The following DYRK1A variants were observed in gnomAD, a reference collection of about 807,000 sequenced individuals.
DYRK1A encodes dual specificity tyrosine phosphorylation regulated kinase 1A.
DYRK1A carries 9 observed loss-of-function variants against 79.7 expected under a neutral mutation model. The ratio of observed to expected loss-of-function variants is 0.11; its 90% CI spans 0.07 to 0.20. The LOEUF is 0.20. Ranked by LOEUF, DYRK1A falls within the 10% of genes least tolerant of loss-of-function variation. The probability of loss-of-function intolerance (pLI) is 1.00; values close to 1 mark genes in which losing one functional copy is unlikely to be tolerated. For missense variants in DYRK1A, 622 were observed against 956.0 expected, an observed-to-expected ratio of 0.65 and a Z score of 4.61; for synonymous variants, 349 against 329.7, an observed-to-expected ratio of 1.06 and a Z score of -0.63.
rs757852477 is a variant in DYRK1A, at chr21:37,490,160, T to C, written c.638-15T>C. Reference sequence around the variant, plus strand: ...TGGTATATATAATTTAAAATGAAACTGTTTTCTCTTTCAGTGCATTTGAAA... The same window carrying C: ...TGGTATATATAATTTAAAATGAAACCGTTTTCTCTTTCAGTGCATTTGAAA... On this transcript the variant is annotated splice_polypyrimidine_tract_variant and intron_variant, in intron 6 of 11. Coordinates refer to ENST00000647188, the MANE Select transcript of DYRK1A (RefSeq NM_001347721.2). 4 of 1,605,100 alleles carry C rather than the reference T, an allele frequency of 2.5e-6. No homozygotes were observed. The highest frequency in any genetic ancestry group is 1.7e-4 in the Middle Eastern group (1 of 5,990).
chr21:37,457,263 C>T (rs964995187), intron 2 of DYRK1A, among the ~76,000 whole-genome samples: 2 of 152,104 alleles, frequency 1.3e-5, no homozygotes, highest in Non-Finnish European at 2.9e-5. Flanking sequence ...GACAGAGTCT[C>T]ACTCTGTTGC....
At chr21:37,492,350 A>T (rs2053124745) in intron 7 of DYRK1A, among the ~76,000 whole-genome samples, 1 of 152,196 alleles carries the variant, frequency 6.6e-6, no homozygotes. Context: ...TAATAAGTGA[A>T]ACAAATTGGT....
chr21:37,478,123 A>C, intron 3 of DYRK1A, 85 bp from the exon 4 acceptor site: 1 of 1,576,600 alleles, frequency 6.3e-7, no homozygotes, highest in South Asian at 1.2e-5. Context: ...CATGCAGGTT[A>C]CAGAAGAGGG....
chr21:37,481,765 G>A (rs1217262925), intron 5 of DYRK1A: 1 of 152,078 alleles, frequency 6.6e-6, no homozygotes, highest in East Asian at 1.9e-4. Flanking sequence ...CAGCACTTTG[G>A]GAATCTGAAG....
In DYRK1A at chr21:37,462,278, G is replaced by T. The variant is rs184517076; in HGVS notation, c.11-10406G>T. ...GGCCCGTGAGTGTTTGGATTTTGTT[G>T]TTCTCTTTAAAGAGTGTTGAATGTC... On this transcript the variant is annotated intron_variant, in intron 2 of 11. Coordinates refer to ENST00000647188, the MANE Select transcript of DYRK1A (RefSeq NM_001347721.2). Among the ~76,000 whole-genome samples the T allele has an allele frequency of 5.2e-3, 794 of 152,192 alleles. 12 individuals carry two copies. The highest frequency in any genetic ancestry group is 4.9e-3 in the Non-Finnish European group (331 of 68,018).
intron 1 of DYRK1A, among the ~76,000 whole-genome samples, chr21:37,413,830 C>T (rs1347948473): frequency 2.0e-5 from 3 of 152,074 alleles, no homozygotes. Context: ...GCAAGCATAT[C>T]AGTTAAAGGA....
rs1040981376 is a variant in DYRK1A at position 37,521,665 on chromosome 21, A to G, written c.*9134A>G. On this transcript the variant is annotated 3_prime_UTR_variant, in exon 12 of 12. Transcript: ENST00000647188. ...TCCCAAGGAACTGAAGTTCTAGCTG[A>G]TACCTAATGGAGGAATGGGTGTTAT... The G allele has an allele frequency of 6.6e-6, 1 of 152,260 alleles. No homozygotes were observed. The highest frequency in any genetic ancestry group is 2.4e-5 in the African/African-American group (1 of 41,478). The allele number at this position is 152,260 out of a possible 1,614,324, so 9.4% of individuals were successfully genotyped here. A position where few individuals can be genotyped will look rare whatever the true frequency, so the allele number is the denominator to read the frequency against.
chr21:37,405,448 CT>C (rs2050130310), intron 1 of DYRK1A, among the ~76,000 whole-genome samples: 1 of 152,168 alleles, frequency 6.6e-6, no homozygotes. Flanking sequence ...TTGCAGGCAT[CT>C]ATGCATGACT....
chr21:37,422,547 T>C (rs1407536999), intron 2 of DYRK1A, among the ~76,000 whole-genome samples: 1 of 152,188 alleles, frequency 6.6e-6, no homozygotes, highest in African/African-American at 2.4e-5. Flanking sequence ...TTAGATGTGG[T>C]AACTTACTCT....
Position 37,512,492 on chromosome 21 carries a change from A to G in DYRK1A, c.2226A>G (p.Thr742=). The G allele has an allele frequency of 6.2e-7, 1 of 1,614,216 alleles. No homozygotes were observed. Among genetic ancestry groups the G allele is most frequent in the South Asian group, 1.1e-5 (1 of 91,088 alleles). The change falls in exon 12 of 12, where the codon ACA becomes ACG. Residue 742 remains threonine (T), a synonymous_variant. Transcript: ENST00000647188. ...QGADREESPM[T]GVCVQQSPVA... is the part of the protein sequence containing the mutation. ...CTGATAGAGAAGAGTCCCCCATGAC[A>G]GGAGTTTGTGTGCAACAGAGTCCTG...
chr21:37,402,972 C>T (rs2050080026), intron 1 of DYRK1A, among the ~76,000 whole-genome samples: 1 of 152,096 alleles, frequency 6.6e-6, no homozygotes, highest in African/African-American at 2.4e-5. Flanking sequence ...CCATGTTGGA[C>T]AGGCTGGTCT....
In DYRK1A at chr21:37,519,248, C is replaced by G. The variant is rs1309259668; in HGVS notation, c.*6717C>G. 1 of 152,186 alleles carries G rather than the reference C, an allele frequency of 6.6e-6. No homozygotes were observed. Among genetic ancestry groups the G allele is most frequent in the Non-Finnish European group, 1.5e-5 (1 of 68,064 alleles). The allele number at this position is 152,186 out of a possible 1,614,324, so 9.4% of individuals were successfully genotyped here. A position where few individuals can be genotyped will look rare whatever the true frequency, so the allele number is the denominator to read the frequency against. ...GCCGGTGAAGGGTTTCCCAGGGCAC[C>G]AGCCACCAGCTCTGTATAGTAGTTA... is the stretch of plus-strand genomic sequence containing the variant. On this transcript the variant is annotated 3_prime_UTR_variant, in exon 12 of 12. Coordinates refer to ENST00000647188, the MANE Select transcript of DYRK1A (RefSeq NM_001347721.2).
upstream of DYRK1A, chr21:37,365,995 C>A (rs1336789310): frequency 6.6e-6 from 1 of 152,158 alleles, no homozygotes; most frequent in Non-Finnish European, 1.5e-5. Flanking sequence ...GGCCGCCGGG[C>A]CCGGCGCAGC....
intron 3 of DYRK1A, among the ~76,000 whole-genome samples, chr21:37,476,370 G>A (rs2052392857): frequency 6.6e-6 from 1 of 152,156 alleles, no homozygotes; most frequent in Admixed American, 6.5e-5. Context: ...TACTGTTATT[G>A]TTACTTTATT....
At chr21:37,506,420 C>T (rs1434332419) in intron 11 of DYRK1A, 197 bp downstream of exon 11, 3 of 1,475,036 alleles carry the variant, frequency 2.0e-6, no homozygotes, top group Non-Finnish European at 2.7e-6. Flanking sequence ...AAGTGGCTAA[C>T]ACTTATTGGG....
chr21:37,462,417 T>C (rs2051871599), intron 2 of DYRK1A, among the ~76,000 whole-genome samples: 1 of 152,214 alleles, frequency 6.6e-6, no homozygotes. Context: ...GCCCTAGCCC[T>C]AAATGTGGAT....
chr21:37,506,407 T>G (rs1353329864), intron 11 of DYRK1A, 184 bp downstream of exon 11: 4 of 1,504,430 alleles, frequency 2.7e-6, no homozygotes, highest in Non-Finnish European at 3.6e-6. Flanking sequence ...CCTCCTTGTC[T>G]AGAAGTGGCT....
At chr21:37,369,372 A>G (rs2049384249) in intron 1 of DYRK1A, among the ~76,000 whole-genome samples, 1 of 152,246 alleles carries the variant, frequency 6.6e-6, no homozygotes. Flanking sequence ...GCAGAAGATC[A>G]TTTCAAAGAA....
chr21:37,503,233 G>C (rs1006822889), intron 9 of DYRK1A: 4 of 152,148 alleles, frequency 2.6e-5, no homozygotes, highest in African/African-American at 9.7e-5. Flanking sequence ...CTTTCTTCTA[G>C]TTCTCCAGTG....
Sources: allele counts gnomAD v4.1 joint callset (sites outside exome capture counted in the v4.1 genomes callset), GRCh38; gene constraint gnomAD v4.1.1; transcripts MANE v1.5; gene names NCBI Gene and HGNC (gene_info 2026-07-23, HGNC 2026-07-21).